The following SRGAP1 variants were observed in gnomAD, a reference collection of about 807,000 sequenced individuals.
SRGAP1 encodes the protein SLIT-ROBO Rho GTPase-activating protein 1.
Under a neutral mutation model 121.9 loss-of-function variants are expected in SRGAP1, and 43 were observed. That is an observed-to-expected ratio of 0.35 (90% CI 0.28 to 0.46). The LOEUF is 0.46. Ranked by LOEUF, SRGAP1 falls within the 20% of genes least tolerant of loss-of-function variation. SRGAP1 has a pLI of 1.00. For synonymous variants in SRGAP1, 447 were observed against 485.4 expected (o/e 0.92, Z 1.04); for missense variants, 1,102 against 1,350.9 (o/e 0.82, Z 2.89).
At chr12:63,953,264 AAT>A (rs1242051136) in intron 1 of SRGAP1, among the ~76,000 whole-genome samples, 1 of 152,208 alleles carries the variant, frequency 6.6e-6, no homozygotes, top group African/African-American at 2.4e-5. Context: ...ATATGTGGAG[AAT>A]CTGACATGGT....
At chr12:64,121,154 T>C (rs1592340956) in intron 18 of SRGAP1, among the ~76,000 whole-genome samples, 1 of 151,848 alleles carries the variant, frequency 6.6e-6, no homozygotes, top group Admixed American at 6.6e-5. Context: ...ACTGGGACCA[T>C]AGGCATGCAC....
At chr12:64,110,982 A>G (rs1315442068) in intron 16 of SRGAP1, among the ~76,000 whole-genome samples, 1 of 152,174 alleles carries the variant, frequency 6.6e-6, no homozygotes, top group Admixed American at 6.5e-5. Flanking sequence ...TTGACATTCT[A>G]TACACTGAAA....
chr12:64,003,264 T>G (rs2033965033), intron 3 of SRGAP1, among the ~76,000 whole-genome samples: 1 of 151,992 alleles, frequency 6.6e-6, no homozygotes, highest in South Asian at 2.1e-4. Flanking sequence ...TTTTTGTTAT[T>G]TTTTTGGCGA....
intron 6 of SRGAP1, among the ~76,000 whole-genome samples, chr12:64,050,018 C>T (rs1392312164): frequency 6.6e-6 from 1 of 152,110 alleles, no homozygotes; most frequent in Non-Finnish European, 1.5e-5. Flanking sequence ...TCTCCCAATC[C>T]ATGAACATGG....
At chr12:63,951,152 CTTTTTTTTTTT>C (rs58637983) in intron 1 of SRGAP1, among the ~76,000 whole-genome samples, 587 of 44,210 alleles carry the variant, frequency 0.013, 7 homozygotes, top group African/African-American at 0.045. Context: ...ATTTAGAACT[CTTTTTTTTTTT>C]TTTTTTTTTT....
intron 1 of SRGAP1, among the ~76,000 whole-genome samples, chr12:63,907,573 T>C (rs1301197874): frequency 1.3e-5 from 2 of 151,752 alleles, no homozygotes; most frequent in Admixed American, 6.6e-5. Context: ...AAAAATTGAG[T>C]TATTTGTTTT....
chr12:63,902,453 T>G (rs776583364), intron 1 of SRGAP1, among the ~76,000 whole-genome samples: 3 of 152,168 alleles, frequency 2.0e-5, no homozygotes, highest in Non-Finnish European at 4.4e-5. Context: ...GGTCACAATT[T>G]GTAATTTGTG....
intron 1 of SRGAP1, among the ~76,000 whole-genome samples, chr12:63,894,547 T>A (rs1272523792): frequency 1.3e-5 from 2 of 152,064 alleles, no homozygotes; most frequent in Non-Finnish European, 2.9e-5. Flanking sequence ...TATGTATATA[T>A]GTGCCATGTT....
At chr12:63,995,868 C>G (rs2033683415) in intron 3 of SRGAP1, among the ~76,000 whole-genome samples, 1 of 151,288 alleles carries the variant, frequency 6.6e-6, no homozygotes, top group East Asian at 1.9e-4. Flanking sequence ...TTTAAATACC[C>G]CAACATGAAA....
At chr12:64,130,181 G>A (rs1466258634) in intron 21 of SRGAP1, among the ~76,000 whole-genome samples, 3 of 152,092 alleles carry the variant, frequency 2.0e-5, no homozygotes, top group Non-Finnish European at 2.9e-5. Flanking sequence ...TACCTGCATC[G>A]TGGAGTAGTC....
intron 1 of SRGAP1, among the ~76,000 whole-genome samples, chr12:63,945,595 T>C (rs2032019107): frequency 6.6e-6 from 1 of 152,264 alleles, no homozygotes; most frequent in Non-Finnish European, 1.5e-5. Context: ...CAAGGTGTTC[T>C]TAACCCCATT....
At chr12:63,925,727 G>A (rs1391978300) in intron 1 of SRGAP1, among the ~76,000 whole-genome samples, 7 of 152,128 alleles carry the variant, frequency 4.6e-5, no homozygotes, top group Non-Finnish European at 1.0e-4. Flanking sequence ...TTATACTGTA[G>A]CCCTTATACT....
chr12:63,927,813 TTTGAGGGAACTGGGAACCC>T (rs540350718), intron 1 of SRGAP1, among the ~76,000 whole-genome samples: 334 of 152,158 alleles, frequency 2.2e-3, no homozygotes, highest in African/African-American at 7.7e-3. Flanking sequence ...TAATTTGTTA[TTTGAGGGAACTGGGAACCC>T]TTGAGAACAG....
chr12:64,111,953 T>C lies in SRGAP1; in HGVS notation c.2111T>C (p.Val704Ala). 1 of 1,613,918 alleles carries C rather than the reference T, an allele frequency of 6.2e-7. No homozygotes were observed. The highest frequency in any genetic ancestry group is 8.5e-7 in the Non-Finnish European group (1 of 1,179,896). The change falls in exon 17 of 22, where the codon GTT becomes GCT. Residue 704 changes from valine to alanine, a missense_variant. Physicochemically the swap from Val to Ala is moderately conservative, Grantham distance 64. Coordinates refer to ENST00000355086, the MANE Select transcript of SRGAP1 (RefSeq NM_020762.4). ...GATGCTAAAGAGCTGGATGGCCCTG[T>C]TTATGAGAAATGTATGGCTGGAGAT... ...FPDAKELDGPVYEKCMAGDDY... is the reference protein window; with the variant it reads ...FPDAKELDGPAYEKCMAGDDY...
chr12:63,969,531 C>T (rs1481939097), intron 1 of SRGAP1, among the ~76,000 whole-genome samples: 1 of 152,166 alleles, frequency 6.6e-6, no homozygotes, highest in Non-Finnish European at 1.5e-5. Flanking sequence ...CAGTGGCTCA[C>T]ACCTGTAATC....
At chr12:63,948,097 A>G (rs2032107004) in intron 1 of SRGAP1, among the ~76,000 whole-genome samples, 1 of 152,100 alleles carries the variant, frequency 6.6e-6, no homozygotes, top group Non-Finnish European at 1.5e-5. Context: ...ATAAGGAATT[A>G]TGTCAGGTGA....
rs1212882637 is a variant in SRGAP1 at position 64,155,696 on chromosome 12, G to A, written c.*13024G>A. On this transcript the variant is annotated 3_prime_UTR_variant, in exon 22 of 22. Coordinates refer to ENST00000355086, the MANE Select transcript of SRGAP1 (RefSeq NM_020762.4). ...CAGTGGCGCGACCTCGGCTCACCAC[G>A]ACCTCGGCTCACCGCAACCTCTGCC... is the stretch of plus-strand genomic sequence containing the variant. The A allele has an allele frequency of 6.6e-6, 1 of 151,714 alleles. No individual in the cohort carries two copies. Among genetic ancestry groups the A allele is most frequent in the Middle Eastern group, 3.2e-3 (1 of 316 alleles). The allele number at this position is 151,714 out of a possible 1,614,324, so 9.4% of individuals were successfully genotyped here.
At position 64,147,598 on chromosome 12, in the gene SRGAP1, G is replaced by A; in HGVS notation, c.*4926G>A. On this transcript the variant is annotated 3_prime_UTR_variant, in exon 22 of 22. Coordinates refer to ENST00000355086, the MANE Select transcript of SRGAP1 (RefSeq NM_020762.4). ...CCGCTCATGTGCTGCTGACAGCATC[G>A]CATTCGCCCGTGCTCTGTACTGCCT... 2.5e-6 allele frequency: 1 copy of A among 398,652 alleles called. No individual in the cohort carries two copies. The highest frequency in any genetic ancestry group is 4.4e-6 in the Non-Finnish European group (1 of 226,138). 24.7% of individuals were successfully genotyped at this position (398,652 alleles called of 1,614,324 possible). A position where few individuals can be genotyped will look rare whatever the true frequency, so the allele number is the denominator to read the frequency against.
Position 64,063,153 on chromosome 12 carries a change from A to G in SRGAP1, c.1023+15A>G. 6.3e-7 allele frequency: 1 copy of G among 1,584,876 alleles called. No homozygotes were observed. Among genetic ancestry groups the G allele is most frequent in the Non-Finnish European group, 8.7e-7 (1 of 1,155,646 alleles). On this transcript the variant is annotated intron_variant, in intron 7 of 21. Coordinates refer to ENST00000355086, the MANE Select transcript of SRGAP1 (RefSeq NM_020762.4). ...TGGGTGATGAGGTCAGTAATTGATC[A>G]TTTTTAAAATAATGAATTGTCTCTT... is the stretch of plus-strand genomic sequence containing the variant.
Sources: allele counts gnomAD v4.1 joint callset (sites outside exome capture counted in the v4.1 genomes callset), GRCh38; gene constraint gnomAD v4.1.1; transcripts MANE v1.5; gene names NCBI Gene and HGNC (gene_info 2026-07-23, HGNC 2026-07-21).